The following LAMC2 variants were observed in gnomAD, a reference collection of about 807,000 sequenced individuals.
LAMC2 encodes the protein laminin subunit gamma-2.
LAMC2 carries 97 observed loss-of-function variants against 140.2 expected under a neutral mutation model. The ratio of observed to expected loss-of-function variants is 0.69; its 90% CI spans 0.59 to 0.82. The LOEUF is 0.82. Ranked by LOEUF, LAMC2 falls within the 40% of genes least tolerant of loss-of-function variation. The probability of loss-of-function intolerance (pLI) is 0.00; values close to 1 mark genes in which losing one functional copy is unlikely to be tolerated. For missense variants in LAMC2, 1,402 were observed against 1,476.1 expected (o/e 0.95, Z 0.82); for synonymous variants, 513 against 540.2 (o/e 0.95, Z 0.70).
Position 183,236,621 on chromosome 1 carries a change from TGTGTG to T in LAMC2, c.2601+18_2601+22del. ...TCCTTTCAGGTGAGGGCATCTGGCC[TGTGTG>T]CTTGATATACAGGAGGGCCATAAAT... is the stretch of plus-strand genomic sequence containing the variant. On this transcript the variant is annotated intron_variant, in intron 17 of 22. Coordinates refer to ENST00000264144, the MANE Select transcript of LAMC2 (RefSeq NM_005562.3). 6.2e-7 allele frequency: 1 copy of T among 1,614,014 alleles called. No individual in the cohort carries two copies. The highest frequency in any genetic ancestry group is 1.1e-5 in the South Asian group (1 of 91,090).
At chr1:183,197,675 C>CAA (rs201843893) in intron 1 of LAMC2, among the ~76,000 whole-genome samples, 3,318 of 123,678 alleles carry the variant, frequency 0.027, 129 homozygotes, top group African/African-American at 0.096. Context: ...GACTCCGTCT[C>CAA]AAAAAAAAAA....
chr1:183,205,222 AGCCAGATGAAGAACCTC>A (rs1658848361), intron 1 of LAMC2, among the ~76,000 whole-genome samples: 2 of 152,244 alleles, frequency 1.3e-5, no homozygotes, highest in Non-Finnish European at 2.9e-5. Context: ...TCATTGGGTT[AGCCAGATGAAGAACCTC>A]GCAAGGACTG....
In LAMC2 at chr1:183,220,899, C is replaced by G. The variant is rs1457130957; in HGVS notation, c.578C>G (p.Ser193Ter). The change falls in exon 5 of 23, where the codon TCA becomes TGA. Residue 193 changes from serine to a stop codon, truncating the protein, a stop_gained. Transcript: ENST00000264144. LOFTEE classifies it high-confidence loss of function. ...ACCCAGTGTTTCTGCTATGGGCATT[C>G]AGCCAGCTGCCGCAGCTCTGCAGAA... is the stretch of plus-strand genomic sequence containing the variant. ...GCTQCFCYGH[S>*]ASCRSSAEYS... 6.2e-7 allele frequency: 1 copy of G among 1,613,978 alleles called. No homozygotes were observed. The highest frequency in any genetic ancestry group is 8.5e-7 in the Non-Finnish European group (1 of 1,179,912).
At chr1:183,258,593 G>A in the LAMC2 span, among the ~76,000 whole-genome samples, 3 of 152,170 alleles carry the variant, frequency 2.0e-5, no homozygotes, top group African/African-American at 7.2e-5. Flanking sequence ...CTAGGGACTA[G>A]ATTGACTTTG....
intron 1 of LAMC2, among the ~76,000 whole-genome samples, chr1:183,205,070 TC>T (rs1287808719): frequency 6.6e-6 from 1 of 152,100 alleles, no homozygotes; most frequent in Non-Finnish European, 1.5e-5. Context: ...TGATCCACCC[TC>T]CTTGGCCTCC....
At chr1:183,214,051 A>AT (rs548680699) in intron 2 of LAMC2, among the ~76,000 whole-genome samples, 5,289 of 151,680 alleles carry the variant, frequency 0.035, 336 homozygotes, top group African/African-American at 0.12. Flanking sequence ...AAAAAAAAAA[A>AT]ATACAGATTA....
At chr1:183,229,266 A>G (rs1659730712) in intron 11 of LAMC2, among the ~76,000 whole-genome samples, 1 of 152,132 alleles carries the variant, frequency 6.6e-6, no homozygotes, top group Non-Finnish European at 1.5e-5. Flanking sequence ...GGCCTGCCCC[A>G]CAGACTCACC....
In LAMC2 at chr1:183,218,392, A is replaced by T. The variant is rs12037099; in HGVS notation, c.407A>T (p.Asp136Val). 1.6e-3 allele frequency: 2,603 copies of T among 1,613,320 alleles called. 75 individuals carry two copies. In the East Asian group the frequency reaches 0.046, roughly 28 times the overall value. ...ATTTTCTTTTTCTTCTTCCCCAGAG[A>T]CTCCAAGTGTGACTGTGACCCAGCT... Reference protein sequence around the residue: ...AGCTQDQRLLDSKCDCDPAGI... With the variant: ...AGCTQDQRLLVSKCDCDPAGI... Residue 136 changes from aspartate to valine, a missense_variant and splice_region_variant, in exon 4 of 23, where the codon GAC becomes GTC. Asp to Val is a radical substitution (Grantham distance 152). This residue lies in a region of LAMC2 where 723 missense variants were observed against 783.3 expected (regional missense o/e 0.92). Coordinates refer to ENST00000264144, the MANE Select transcript of LAMC2 (RefSeq NM_005562.3).
chr1:183,238,874 A>C (rs1660045229), intron 19 of LAMC2, among the ~76,000 whole-genome samples: 1 of 152,212 alleles, frequency 6.6e-6, no homozygotes. Flanking sequence ...AACCTTTGTC[A>C]CTGCATCTAG....
rs140949383 is a variant in LAMC2, at chr1:183,228,542, C to T, written c.1637C>T (p.Ala546Val). Residue 546 changes from alanine (A) to valine (V), a missense_variant, in exon 11 of 23, where the codon GCC becomes GTC. This residue lies in a region of LAMC2 where 723 missense variants were observed against 783.3 expected (regional missense o/e 0.92). Transcript: ENST00000264144. This position sits in a 1 kb window ranked among gnomAD's most constrained non-coding sequence, Gnocchi z 4.3. ...TGTTTGAAGTGTATCCACAACACAG[C>T]CGGCATCTACTGCGACCAGTGCAAA... ...GRCLKCIHNT[A>V]GIYCDQCKAG... 2 of 1,613,820 alleles carry T rather than the reference C, an allele frequency of 1.2e-6. No individual in the cohort carries two copies. The highest frequency in any genetic ancestry group is 1.7e-6 in the Non-Finnish European group (2 of 1,180,016).
chr1:183,187,951 T>C (rs186808281), intron 1 of LAMC2, among the ~76,000 whole-genome samples: 109 of 152,364 alleles, frequency 7.2e-4, no homozygotes, highest in African/African-American at 2.5e-3. Context: ...TAAGTAATCA[T>C]TTAAGCAATT....
intron 4 of LAMC2, among the ~76,000 whole-genome samples, chr1:183,220,432 A>G (rs1571523167): frequency 6.6e-6 from 1 of 151,602 alleles, no homozygotes; most frequent in Non-Finnish European, 1.5e-5. Context: ...CCTGGTCCCC[A>G]CCTCCCAGTC....
chr1:183,213,989 C>T (rs1224068688), intron 2 of LAMC2, among the ~76,000 whole-genome samples: 5 of 151,100 alleles, frequency 3.3e-5, no homozygotes, highest in East Asian at 1.9e-4. Context: ...CGCTTGAACC[C>T]GGAAGGTGGA....
chr1:183,233,896 T>C (rs1437254663), intron 14 of LAMC2, among the ~76,000 whole-genome samples: 1 of 151,870 alleles, frequency 6.6e-6, no homozygotes, highest in Non-Finnish European at 1.5e-5. Flanking sequence ...TTTTCTTTTT[T>C]TTTTTTCGAG....
chr1:183,211,623 G>A (rs981840079), intron 2 of LAMC2, among the ~76,000 whole-genome samples: 1 of 152,076 alleles, frequency 6.6e-6, no homozygotes, highest in Non-Finnish European at 1.5e-5. Context: ...CAGTCCTCCT[G>A]CCTCAGCCTC....
In LAMC2 at chr1:183,220,865, G is replaced by A; in HGVS notation, c.544G>A (p.Glu182Lys). ...CTATAATCTGGATGGGGGGAACCCT[G>A]AGGGCTGTACCCAGTGTTTCTGCTA... Reference protein sequence around the residue: ...GYYNLDGGNPEGCTQCFCYGH... With the variant: ...GYYNLDGGNPKGCTQCFCYGH... Residue 182 changes from glutamate (E) to lysine (K), a missense_variant, in exon 5 of 23, where the codon GAG becomes AAG. Glu to Lys is a moderately conservative substitution (Grantham distance 56). Around this residue, in one of 3 missense-constraint regions of LAMC2, gnomAD observed 723 missense variants for 783.3 expected, o/e 0.92. Transcript: ENST00000264144. 2.5e-6 allele frequency: 4 copies of A among 1,614,034 alleles called. No homozygotes were observed. Among genetic ancestry groups the A allele is most frequent in the Non-Finnish European group, 3.4e-6 (4 of 1,179,834 alleles).
chr1:183,237,584 T>G (rs1214000597), intron 18 of LAMC2, 80 bp downstream of exon 18: 5 of 1,326,404 alleles, frequency 3.8e-6, no homozygotes, highest in Non-Finnish European at 5.3e-6. Context: ...AGAAGAATAA[T>G]CAAAAGCTCT....
At chr1:183,230,388 G>T (rs1659763180) in intron 11 of LAMC2, among the ~76,000 whole-genome samples, 1 of 152,230 alleles carries the variant, frequency 6.6e-6, no homozygotes, top group Admixed American at 6.5e-5. Context: ...AATCATCAGA[G>T]AAGTGTCTCA....
chr1:183,228,565 A>G lies in LAMC2; in HGVS notation c.1660A>G (p.Lys554Glu). 1 of 1,614,032 alleles carries G rather than the reference A, an allele frequency of 6.2e-7. No individual in the cohort carries two copies. Among genetic ancestry groups the G allele is most frequent in the Non-Finnish European group, 8.5e-7 (1 of 1,180,024 alleles). Residue 554 changes from lysine to glutamate, a missense_variant, in exon 11 of 23, where the codon AAA (lysine) becomes GAA (glutamate). By Grantham distance (56) the Lys-to-Glu change is moderately conservative. Coordinates refer to ENST00000264144, the MANE Select transcript of LAMC2 (RefSeq NM_005562.3). This position sits in a 1 kb window ranked among gnomAD's most constrained non-coding sequence, Gnocchi z 4.3. The stretch of plus-strand genomic sequence containing the variant: ...AGCCGGCATCTACTGCGACCAGTGC[A>G]AAGCAGGCTACTTCGGGGACCCATT... ...NTAGIYCDQC[K>E]AGYFGDPLAP... is the part of the protein sequence containing the mutation.
Sources: gnomAD v4.1 joint callset for allele counts (sites outside exome capture counted in the v4.1 genomes callset) on GRCh38, gnomAD v4.1.1 for gene constraint, gnomAD v4.1.1 regional missense constraint, Gnocchi (gnomAD v3.1) non-coding constraint, MANE v1.5 for transcripts, NCBI Gene and HGNC (gene_info 2026-07-23, HGNC 2026-07-21) for gene names.